The following LMNB1 variants were observed in gnomAD, a reference collection of about 807,000 sequenced individuals.
LMNB1 encodes lamin B1, also known as lamin-B1.
Under a neutral mutation model 67.1 loss-of-function variants are expected in LMNB1, and 23 were observed. The ratio of observed to expected loss-of-function variants is 0.34; its 90% CI spans 0.25 to 0.49. The LOEUF (loss-of-function observed/expected upper bound fraction) is 0.49, where lower values mean the gene tolerates loss of function less well. Among genes scored for constraint, LMNB1 ranks in the 20% least tolerant of loss-of-function variants. The pLI, the probability that LMNB1 is intolerant of heterozygous loss-of-function variation, is 0.99. For synonymous variants in LMNB1, 281 were observed against 282.9 expected (o/e 0.99, Z 0.07); for missense variants, 634 against 746.5 (o/e 0.85, Z 1.76).
At position 126,805,331 on chromosome 5, in the gene LMNB1, G is replaced by A. The variant is rs1312565270; in HGVS notation, c.517-240G>A. Among the ~76,000 whole-genome samples, 3 of 152,186 alleles carry A rather than the reference G, an allele frequency of 2.0e-5. No individual in the cohort carries two copies. In the South Asian group the frequency reaches 6.2e-4, roughly 31 times the overall value. ...TTTTTGAAATGTGAGTGAGTCATAC[G>A]TCTCTGTTCTATTCCCTGTTGCCAA... On this transcript the variant is annotated intron_variant, in intron 2 of 10. Coordinates refer to ENST00000261366, the MANE Select transcript of LMNB1 (RefSeq NM_005573.4).
intron 3 of LMNB1, among the ~76,000 whole-genome samples, chr5:126,809,026 C>G (rs1751522498): frequency 6.6e-6 from 1 of 152,126 alleles, no homozygotes; most frequent in Non-Finnish European, 1.5e-5. Flanking sequence ...CAGGCACCCT[C>G]CATCATGGCT....
chr5:126,787,481 TTA>T (rs1750823721), intron 1 of LMNB1, among the ~76,000 whole-genome samples: 1 of 105,698 alleles, frequency 9.5e-6, no homozygotes, highest in South Asian at 3.1e-4. Context: ...TATATGTTAC[TTA>T]TATATGAAGT....
At chr5:126,796,114 T>C (rs987546255) in intron 1 of LMNB1, among the ~76,000 whole-genome samples, 1 of 151,730 alleles carries the variant, frequency 6.6e-6, no homozygotes, top group Non-Finnish European at 1.5e-5. Context: ...GTATTTTTAG[T>C]AGAGACAGGG....
chr5:126,827,126 A>G (rs1580556368), intron 9 of LMNB1, among the ~76,000 whole-genome samples: 1 of 151,882 alleles, frequency 6.6e-6, no homozygotes, highest in African/African-American at 2.4e-5. Context: ...GAAAGGAGAT[A>G]TATAGGGGGA....
chr5:126,836,894 GGGGAGGGAGGTGGA>G lies in LMNB1; in HGVS notation c.*639_*652del. 1 of 396,996 alleles carries G rather than the reference GGGGAGGGAGGTGGA, an allele frequency of 2.5e-6. No homozygotes were observed. The highest frequency in any genetic ancestry group is 4.4e-6 in the Non-Finnish European group (1 of 225,638). 24.6% of individuals were successfully genotyped at this position (396,996 alleles called of 1,614,324 possible). On this transcript the variant is annotated 3_prime_UTR_variant, in exon 11 of 11. Coordinates refer to ENST00000261366, the MANE Select transcript of LMNB1 (RefSeq NM_005573.4). ...AGATTCTTAATTCATGAGGAGGGTG[GGGGAGGGAGGTGGA>G]GGGAGGGAAGGGTTTCTCTATTAAA...
chr5:126,832,929 T>C lies in LMNB1; in HGVS notation c.1719+128T>C, dbSNP rs144858983. 1.4e-3 allele frequency: 747 copies of C among 522,902 alleles called. 6 individuals carry two copies. The highest frequency in any genetic ancestry group is 3.3e-3 in the Middle Eastern group (6 of 1,834). 32.4% of individuals were successfully genotyped at this position (522,902 alleles called of 1,614,324 possible). A position where few individuals can be genotyped will look rare whatever the true frequency, so the allele number is the denominator to read the frequency against. ...AGCGCAGTTATCTACCAAGTGGGGT[T>C]TGTACTCCCCAAAGGGATATTCAAG... is the stretch of plus-strand genomic sequence containing the variant. On this transcript the variant is annotated intron_variant, in intron 10 of 10. Transcript: ENST00000261366.
intron 1 of LMNB1, among the ~76,000 whole-genome samples, chr5:126,795,428 G>A (rs1207079717): frequency 6.6e-6 from 1 of 151,980 alleles, no homozygotes; most frequent in East Asian, 1.9e-4. Flanking sequence ...ATGAACCACC[G>A]GGCCTGGCCT....
intron 3 of LMNB1, among the ~76,000 whole-genome samples, chr5:126,807,760 G>T (rs945924953): frequency 6.6e-6 from 1 of 152,158 alleles, no homozygotes; most frequent in East Asian, 1.9e-4. Flanking sequence ...AATAGCATCA[G>T]TAAAAAGTAA....
chr5:126,791,219 C>T (rs1363052647), intron 1 of LMNB1, among the ~76,000 whole-genome samples: 1 of 150,316 alleles, frequency 6.7e-6, no homozygotes, highest in African/African-American at 2.5e-5. Flanking sequence ...TTGTGTTGAT[C>T]ATCTGATTGA....
At chr5:126,802,986 A>T (rs1751323833) in intron 1 of LMNB1, among the ~76,000 whole-genome samples, 1 of 151,692 alleles carries the variant, frequency 6.6e-6, no homozygotes, top group Non-Finnish European at 1.5e-5. Context: ...GGTGTTCGAG[A>T]CCAGCCTGGC....
chr5:126,822,970 G>T, intron 8 of LMNB1, 85 bp downstream of exon 8: 1 of 818,050 alleles, frequency 1.2e-6, no homozygotes, highest in Admixed American at 2.3e-5. Context: ...TAAAAGAGAA[G>T]CATTTTAGAA....
intron 1 of LMNB1, among the ~76,000 whole-genome samples, chr5:126,788,725 G>A (rs1170360692): frequency 6.6e-5 from 10 of 152,050 alleles, no homozygotes; most frequent in African/African-American, 1.9e-4. Context: ...AGTATCTGTT[G>A]TCATTGGTGT....
intron 8 of LMNB1, among the ~76,000 whole-genome samples, chr5:126,823,650 C>T (rs969767717): frequency 3.9e-5 from 6 of 152,082 alleles, no homozygotes; most frequent in South Asian, 2.1e-4. Context: ...AAATATTAAA[C>T]GCATGTTTTA....
rs574632544 is a variant in LMNB1, at chr5:126,835,495, C to T, written c.1720-728C>T. ...GGCTTGGGATGTGTAAGTTCAGGAT[C>T]TAGCAAGCTGTAGTCTCCGATGTGG... On this transcript the variant is annotated intron_variant, in intron 10 of 10. Transcript: ENST00000261366. Among the ~76,000 whole-genome samples the T allele has an allele frequency of 2.0e-5, 3 of 152,334 alleles. 1 individual carries two copies. In the South Asian group the frequency reaches 6.2e-4, roughly 32 times the overall value.
Position 126,798,133 on chromosome 5 carries a change from C to CA in LMNB1, c.360-6639dup, listed in dbSNP as rs537994474. On this transcript the variant is annotated intron_variant, in intron 1 of 10. Coordinates refer to ENST00000261366, the MANE Select transcript of LMNB1 (RefSeq NM_005573.4). ...TCTGGGCAACAGAGCGAGACCGTCTCAAAACAAACAAACAAACAAACAAAC... is the reference window on the plus strand; with the variant it reads ...TCTGGGCAACAGAGCGAGACCGTCTCAAAAACAAACAAACAAACAAACAAAC... Among the ~76,000 whole-genome samples, 822 of 128,684 alleles carry CA rather than the reference C, an allele frequency of 6.4e-3. 8 individuals carry two copies. Among genetic ancestry groups the CA allele is most frequent in the Non-Finnish European group, 7.3e-3 (440 of 59,914 alleles). The allele number at this position is 128,684 out of a possible 152,430, so 84.4% of individuals were successfully genotyped here. A position where few individuals can be genotyped will look rare whatever the true frequency, so the allele number is the denominator to read the frequency against.
upstream of LMNB1, chr5:126,776,827 C>T (rs1048301494): frequency 1.3e-5 from 2 of 152,228 alleles, no homozygotes; most frequent in Non-Finnish European, 1.5e-5. Context: ...GGCGGGAGGG[C>T]CCTGGGCCCA....
chr5:126,805,413 A>G (rs554311469), intron 2 of LMNB1, among the ~76,000 whole-genome samples, 158 bp from the exon 3 acceptor site: 1 of 152,374 alleles, frequency 6.6e-6, no homozygotes, highest in East Asian at 1.9e-4. Context: ...CAGCAAATGA[A>G]TACCCAGTTC....
intron 10 of LMNB1, among the ~76,000 whole-genome samples, chr5:126,835,461 A>G (rs1235215134): frequency 6.6e-6 from 1 of 152,204 alleles, no homozygotes; most frequent in African/African-American, 2.4e-5. Context: ...GGACAAATCC[A>G]CTGCAGATGG....
chr5:126,825,277 T>C (rs1345738581), intron 8 of LMNB1, among the ~76,000 whole-genome samples: 1 of 152,198 alleles, frequency 6.6e-6, no homozygotes, highest in Non-Finnish European at 1.5e-5. Context: ...AATTTCATGC[T>C]CATGAGAAGG....
Sources: allele counts gnomAD v4.1 joint callset (sites outside exome capture counted in the v4.1 genomes callset), GRCh38; gene constraint gnomAD v4.1.1; transcripts MANE v1.5; gene names NCBI Gene and HGNC (gene_info 2026-07-23, HGNC 2026-07-21).